Variants in DCDC1 observed in about 807,000 individuals in gnomAD.
DCDC1 encodes doublecortin domain-containing protein 1.
A neutral mutation model predicts 178.3 loss-of-function variants in DCDC1; 200 were observed. The observed-to-expected ratio is 1.12, with a 90% CI of 1.00 to 1.26. The LOEUF (loss-of-function observed/expected upper bound fraction) is 1.26. Among genes scored for constraint, DCDC1 ranks in the 50% most tolerant of loss-of-function variants. The pLI is 0.00. For missense variants in DCDC1, 1,983 were observed against 1,749.2 expected, an observed-to-expected ratio of 1.13 and a Z score of -2.38; for synonymous variants, 690 against 604.8, an observed-to-expected ratio of 1.14 and a Z score of -2.07.
rs1432386960 is a variant in DCDC1, at chr11:30,998,655, C to T, written c.2592-46087G>A. Among the ~76,000 whole-genome samples the T allele has an allele frequency of 2.6e-5, 4 of 152,094 alleles. No homozygotes were observed. The East Asian group carries it at 7.7e-4, about 29-fold the overall frequency. On this transcript the variant is annotated intron_variant, in intron 20 of 38. Coordinates refer to ENST00000684477, the MANE Select transcript of DCDC1 (RefSeq NM_001387274.1). ...CATTAATGAATGCTAAATTAGTGGG[C>T]AGAACTTTTGGGAGAAATTGGATAT...
At chr11:31,091,577 G>A in intron 16 of DCDC1, 66 bp from the exon 17 acceptor site, 3 of 693,220 alleles carry the variant, frequency 4.3e-6, no homozygotes, top group Non-Finnish European at 7.9e-6. Context: ...ATTCAACAAT[G>A]TGTCACAAAT....
chr11:31,175,603 C>T (rs1334670878), intron 9 of DCDC1, among the ~76,000 whole-genome samples: 1 of 152,232 alleles, frequency 6.6e-6, no homozygotes, highest in Non-Finnish European at 1.5e-5. Context: ...CTCATGCACA[C>T]CTGTGTCCAG....
intron 20 of DCDC1, among the ~76,000 whole-genome samples, chr11:30,986,805 G>A (rs1273468861): frequency 6.6e-6 from 1 of 152,156 alleles, no homozygotes; most frequent in Admixed American, 6.5e-5. Context: ...TACAATTTAA[G>A]TACGTAGAGT....
At chr11:30,987,051 C>G (rs1246832383) in intron 20 of DCDC1, among the ~76,000 whole-genome samples, 3 of 152,110 alleles carry the variant, frequency 2.0e-5, no homozygotes, top group African/African-American at 7.2e-5. Context: ...GAATCTCAAT[C>G]TGTTGCCCAG....
intron 9 of DCDC1, among the ~76,000 whole-genome samples, chr11:31,241,037 A>C (rs994888015): frequency 1.1e-4 from 16 of 151,944 alleles, no homozygotes; most frequent in African/African-American, 3.4e-4. Context: ...TCACGATTTC[A>C]TTTTTCAGAA....
At chr11:30,911,968 AGAAATG>A (rs1945479011) in intron 27 of DCDC1, among the ~76,000 whole-genome samples, 1 of 152,236 alleles carries the variant, frequency 6.6e-6, no homozygotes, top group Non-Finnish European at 1.5e-5. Flanking sequence ...GGCAGTATTA[AGAAATG>A]GAGTCTTTAA....
At chr11:31,297,771 G>T (rs959679668) in intron 6 of DCDC1, among the ~76,000 whole-genome samples, 1 of 152,084 alleles carries the variant, frequency 6.6e-6, no homozygotes, top group African/African-American at 2.4e-5. Context: ...TAAGAATCAG[G>T]TTAAAAGGCT....
chr11:31,250,421 C>CATATATATATATATATATATATACATAT, intron 8 of DCDC1, among the ~76,000 whole-genome samples: 5 of 52,958 alleles, frequency 9.4e-5, no homozygotes, highest in Middle Eastern at 8.8e-3. Context: ...CACACATATA[C>CATATATATATATATATATATATACATAT]ATATATATGT....
At chr11:30,951,789 AAAC>A (rs1311403211) in intron 21 of DCDC1, among the ~76,000 whole-genome samples, 1 of 152,152 alleles carries the variant, frequency 6.6e-6, no homozygotes, top group Non-Finnish European at 1.5e-5. Context: ...ATGAGAAAAA[AAAC>A]ATTTGGTCTG....
intron 20 of DCDC1, among the ~76,000 whole-genome samples, chr11:30,993,562 C>T (rs1181972793): frequency 6.6e-6 from 1 of 152,036 alleles, no homozygotes. Flanking sequence ...TGATAAACCT[C>T]TAGCTAGACT....
At chr11:30,972,909 A>G (rs2134702434) in intron 20 of DCDC1, among the ~76,000 whole-genome samples, 1 of 152,206 alleles carries the variant, frequency 6.6e-6, no homozygotes, top group South Asian at 2.1e-4. Context: ...GTAGTTTCTC[A>G]TGGTTTAAAA....
chr11:30,925,880 T>A (rs1160149910), intron 22 of DCDC1, among the ~76,000 whole-genome samples: 9 of 152,146 alleles, frequency 5.9e-5, no homozygotes, highest in Non-Finnish European at 1.3e-4. Flanking sequence ...ACCAAGTTCC[T>A]CAGCTCCCTC....
intron 21 of DCDC1, among the ~76,000 whole-genome samples, chr11:30,935,733 T>C (rs930521386): frequency 2.0e-5 from 3 of 152,156 alleles, no homozygotes; most frequent in African/African-American, 7.2e-5. Flanking sequence ...TTTGTATTTT[T>C]AGTAGAGATG....
chr11:30,902,691 T>C (rs1476292457), intron 32 of DCDC1, among the ~76,000 whole-genome samples: 1 of 152,136 alleles, frequency 6.6e-6, no homozygotes, highest in Non-Finnish European at 1.5e-5. Flanking sequence ...CCCAAGGCCA[T>C]TGAGCTAGCA....
chr11:30,996,415 G>T (rs1462473935), intron 20 of DCDC1, among the ~76,000 whole-genome samples: 1 of 151,976 alleles, frequency 6.6e-6, no homozygotes, highest in Non-Finnish European at 1.5e-5. Context: ...AATATGCTAT[G>T]GTTTGGATGT....
At chr11:30,928,588 A>G (rs1033997861) in intron 22 of DCDC1, among the ~76,000 whole-genome samples, 1 of 206 alleles carries the variant, frequency 4.9e-3, no homozygotes, top group African/African-American at 0.024. Flanking sequence ...ATAGACCTTG[A>G]CATTTCGGGG....
At position 30,865,796 on chromosome 11, in the gene DCDC1, T is replaced by C. The variant is rs1211609792; in HGVS notation, c.*41-464A>G. Among the ~76,000 whole-genome samples the C allele has an allele frequency of 2.0e-5, 3 of 152,014 alleles. No homozygotes were observed. In the East Asian group the frequency reaches 5.8e-4, roughly 29 times the overall value. ...TTTCCATTAATATCAGACATCAGTGTTAGTAAGGAACAAGAAAGACATAAA... is the reference window on the plus strand; with the variant it reads ...TTTCCATTAATATCAGACATCAGTGCTAGTAAGGAACAAGAAAGACATAAA... On this transcript the variant is annotated intron_variant, in intron 38 of 38. Coordinates refer to ENST00000684477, the MANE Select transcript of DCDC1 (RefSeq NM_001387274.1).
At chr11:31,288,448 A>C (rs1020221709) in intron 7 of DCDC1, among the ~76,000 whole-genome samples, 2 of 151,922 alleles carry the variant, frequency 1.3e-5, no homozygotes, top group Non-Finnish European at 2.9e-5. Flanking sequence ...CTTCTTAATT[A>C]CTTCCTAAAG....
At chr11:31,049,447 C>G (rs1955092076) in intron 20 of DCDC1, among the ~76,000 whole-genome samples, 2 of 152,124 alleles carry the variant, frequency 1.3e-5, no homozygotes, top group African/African-American at 4.8e-5. Flanking sequence ...AGAGACTGAA[C>G]AAATACATTC....
Sources: allele counts gnomAD v4.1 joint callset (sites outside exome capture counted in the v4.1 genomes callset), GRCh38; gene constraint gnomAD v4.1.1; transcripts MANE v1.5; gene names NCBI Gene and HGNC (gene_info 2026-07-23, HGNC 2026-07-21).